The following PCDHGA2 variants were observed in gnomAD, a reference collection of about 807,000 sequenced individuals.
The protein encoded by PCDHGA2 is protocadherin gamma subfamily A, 2.
PCDHGA2 carries 40 observed loss-of-function variants against 59.2 expected under a neutral mutation model. The observed-to-expected ratio is 0.68, with a 90% confidence interval of 0.52 to 0.88. The LOEUF (loss-of-function observed/expected upper bound fraction) is 0.88, where lower values mean the gene tolerates loss of function less well. PCDHGA2 is among the 40% of genes least tolerant of loss of function. The probability of loss-of-function intolerance (pLI) is 0.00; values close to 1 mark genes in which losing one functional copy is unlikely to be tolerated. For synonymous variants in PCDHGA2, 560 were observed against 526.0 expected (o/e 1.06, Z -0.89); for missense variants, 1,226 against 1,204.0 (o/e 1.02, Z -0.27).
chr5:141,399,660 C>A lies in PCDHGA2; in HGVS notation c.2424+58265C>A, dbSNP rs988885728. 11 of 1,613,536 alleles carry A rather than the reference C, an allele frequency of 6.8e-6. No individual in the cohort carries two copies. The highest frequency in any genetic ancestry group is 9.3e-6 in the Non-Finnish European group (11 of 1,179,888). ...TGAGCGCGCAAAGTGGGGTGGTGTT[C>A]GCGCAGCGCGCCTTTGACTACGAGC... is the stretch of plus-strand genomic sequence containing the variant. On this transcript the variant is annotated intron_variant, in intron 1 of 3. Coordinates refer to ENST00000394576, the MANE Select transcript of PCDHGA2 (RefSeq NM_018915.4).
rs1756888565 is a variant in PCDHGA2, at chr5:141,339,898, T to C, written c.927T>C (p.Tyr309=). Residue 309 remains tyrosine, a synonymous_variant, in exon 1 of 4, where the codon TAT becomes TAC. Transcript: ENST00000394576. ...TGACAATCATAAAAGATCTAGATTATGAGGATGCTACATTCCATGAAATTG... is the reference window on the plus strand; with the variant it reads ...TGACAATCATAAAAGATCTAGATTACGAGGATGCTACATTCCATGAAATTG... ...GELTIIKDLD[Y]EDATFHEIDI... The C allele has an allele frequency of 3.1e-6, 5 of 1,614,064 alleles. No individual in the cohort carries two copies. The highest frequency in any genetic ancestry group is 3.4e-6 in the Non-Finnish European group (4 of 1,180,020).
At chr5:141,479,241 G>A (rs2099490987) in intron 1 of PCDHGA2, 1 of 152,174 alleles carries the variant, frequency 6.6e-6, no homozygotes, top group Non-Finnish European at 1.5e-5. Context: ...CAAACCCAAA[G>A]ATAACCATTT....
At chr5:141,422,891 A>G in intron 1 of PCDHGA2, 3 of 1,614,192 alleles carry the variant, frequency 1.9e-6, no homozygotes, top group Non-Finnish European at 2.5e-6. Context: ...TTCGTGCTGG[A>G]CCAGAACGAC....
At chr5:141,404,655 C>T (rs2094551486) in intron 1 of PCDHGA2, 1 of 1,614,062 alleles carries the variant, frequency 6.2e-7, no homozygotes, top group Non-Finnish European at 8.5e-7. Flanking sequence ...CCTGCCCTCC[C>T]CACTGATGGT....
chr5:141,495,892 TTGTCTC>T (rs1035324353), intron 2 of PCDHGA2, among the ~76,000 whole-genome samples: 1 of 152,198 alleles, frequency 6.6e-6, no homozygotes, highest in Admixed American at 6.5e-5. Flanking sequence ...TTGTCTCTCT[TTGTCTC>T]TGTCTCTGTA....
intron 1 of PCDHGA2, chr5:141,418,233 ATGT>A: frequency 6.2e-7 from 1 of 1,614,048 alleles, no homozygotes; most frequent in Admixed American, 1.7e-5. Context: ...GTGATTGAGG[ATGT>A]TAATGACCAC....
intron 1 of PCDHGA2, among the ~76,000 whole-genome samples, chr5:141,436,781 A>T (rs1041532929): frequency 6.6e-6 from 1 of 152,236 alleles, no homozygotes; most frequent in Non-Finnish European, 1.5e-5. Context: ...TGTGGATGGA[A>T]ATAAAACTGT....
In PCDHGA2 at chr5:141,339,250, G is replaced by A. The variant is rs1413906809; in HGVS notation, c.279G>A (p.Glu93=). Residue 93 remains glutamate, a synonymous_variant, in exon 1 of 4, where the codon GAG becomes GAA. Coordinates refer to ENST00000394576, the MANE Select transcript of PCDHGA2 (RefSeq NM_018915.4). ...TCACTGCGAACAGGATAGACCGGGA[G>A]GAGCTCTGCGCTCAGAGCGCACCCT... ...SLVTANRIDR[E]ELCAQSAPCL... 6 of 1,614,256 alleles carry A rather than the reference G, an allele frequency of 3.7e-6. No individual in the cohort carries two copies. The highest frequency in any genetic ancestry group is 5.1e-6 in the Non-Finnish European group (6 of 1,180,044).
chr5:141,374,065 AG>A, intron 1 of PCDHGA2: 1 of 1,497,724 alleles, frequency 6.7e-7, no homozygotes, highest in Non-Finnish European at 8.9e-7. Context: ...ATCCCAGAGA[AG>A]TTCCTAATAA....
In PCDHGA2 at chr5:141,339,619, T is replaced by G. The variant is rs1358075739; in HGVS notation, c.648T>G (p.Asp216Glu). The change falls in exon 1 of 4, where the codon GAT (aspartate) becomes GAG (glutamate). Residue 216 changes from aspartate (D) to glutamate (E), a missense_variant. Transcript: ENST00000394576. ...ACCACCTCGTTCTCGTGGCTTCTGA[T>G]GGGGGTGACCCAGTGCTATCTGGCA... ...AVHHLVLVASDGGDPVLSGTS... is the reference protein window; with the variant it reads ...AVHHLVLVASEGGDPVLSGTS... 3 of 1,614,054 alleles carry G rather than the reference T, an allele frequency of 1.9e-6. No individual in the cohort carries two copies. The highest frequency in any genetic ancestry group is 2.5e-6 in the Non-Finnish European group (3 of 1,180,038).
At chr5:141,394,950 G>C in intron 1 of PCDHGA2, 1 of 1,613,848 alleles carries the variant, frequency 6.2e-7, no homozygotes, top group Non-Finnish European at 8.5e-7. Context: ...TGTGCTTCTG[G>C]GGCTCAGGCT....
At chr5:141,463,773 C>A (rs2099069188) in intron 1 of PCDHGA2, among the ~76,000 whole-genome samples, 1 of 152,088 alleles carries the variant, frequency 6.6e-6, no homozygotes, top group Non-Finnish European at 1.5e-5. Context: ...GGGTTAGAAT[C>A]CTGCACTGTC....
chr5:141,403,401 C>T (rs746777998), intron 1 of PCDHGA2: 1 of 1,614,052 alleles, frequency 6.2e-7, no homozygotes, highest in South Asian at 1.1e-5. Context: ...GTTCCTGGAG[C>T]ACGTTATCCA....
chr5:141,345,414 A>C, intron 1 of PCDHGA2: 1 of 1,614,088 alleles, frequency 6.2e-7, no homozygotes, highest in Non-Finnish European at 8.5e-7. Flanking sequence ...CTCCGCCTAC[A>C]TTCCAGAAAA....
At chr5:141,421,941 T>C (rs186605459) in intron 1 of PCDHGA2, 2 of 1,613,456 alleles carry the variant, frequency 1.2e-6, no homozygotes, top group East Asian at 4.5e-5. Context: ...ATGTAAATGA[T>C]CACATCCCAA....
chr5:141,460,505 A>T (rs1430823912), intron 1 of PCDHGA2, among the ~76,000 whole-genome samples: 1 of 152,150 alleles, frequency 6.6e-6, no homozygotes, highest in Non-Finnish European at 1.5e-5. Context: ...ATATGCTGAG[A>T]AGGCTATCTT....
chr5:141,408,316 G>A (rs1407149479), intron 1 of PCDHGA2: 3 of 1,613,750 alleles, frequency 1.9e-6, no homozygotes, highest in African/African-American at 1.3e-5. Context: ...ACTCGATTCC[G>A]GAGGAGCTGG....
intron 1 of PCDHGA2, chr5:141,441,653 G>T: frequency 4.1e-6 from 1 of 243,884 alleles, no homozygotes; most frequent in Non-Finnish European, 8.2e-6. Context: ...GATTCTAGGT[G>T]TCCTTGAGCG....
chr5:141,511,537 A>C lies in PCDHGA2; in HGVS notation c.*364A>C. 6.3e-6 allele frequency: 2 copies of C among 319,254 alleles called. No individual in the cohort carries two copies. The highest frequency in any genetic ancestry group is 6.7e-5 in the South Asian group (2 of 29,854). 19.8% of individuals were successfully genotyped at this position (319,254 alleles called of 1,614,324 possible). A position where few individuals can be genotyped will look rare whatever the true frequency, so the allele number is the denominator to read the frequency against. On this transcript the variant is annotated 3_prime_UTR_variant, in exon 4 of 4. Transcript: ENST00000394576. ...TCCATCCCATGCCTCCCTCCTCCCC[A>C]CCCCACTCCAACAGTTCCTCTTTCC... is the stretch of plus-strand genomic sequence containing the variant.
Sources: gnomAD v4.1 joint callset for allele counts (sites outside exome capture counted in the v4.1 genomes callset) on GRCh38, gnomAD v4.1.1 for gene constraint, MANE v1.5 for transcripts, NCBI Gene and HGNC (gene_info 2026-07-23, HGNC 2026-07-21) for gene names.